Variants in PPIP5K2 observed in about 807,000 individuals in gnomAD.
PPIP5K2 encodes diphosphoinositol pentakisphosphate kinase 2.
PPIP5K2 carries 105 observed loss-of-function variants against 154.6 expected under a neutral mutation model. The observed-to-expected ratio is 0.68, with a 90% CI of 0.58 to 0.80. The LOEUF (loss-of-function observed/expected upper bound fraction) is 0.80. PPIP5K2 is among the 30% of genes least tolerant of loss of function. The probability of loss-of-function intolerance (pLI) is 0.00; values close to 1 mark genes in which losing one functional copy is unlikely to be tolerated. For missense variants in PPIP5K2, 992 were observed against 1,504.6 expected (o/e 0.66, Z 5.64); for synonymous variants, 480 against 490.3 (o/e 0.98, Z 0.28).
chr5:103,199,326 G>T (rs1554229561), intron 30 of PPIP5K2, among the ~76,000 whole-genome samples: 2 of 152,000 alleles, frequency 1.3e-5, no homozygotes, highest in African/African-American at 4.8e-5. Flanking sequence ...TAATCTGCAG[G>T]TCTGTTGGCA....
intron 3 of PPIP5K2, among the ~76,000 whole-genome samples, chr5:103,135,379 G>A (rs1488864175): frequency 2.0e-5 from 3 of 152,108 alleles, no homozygotes; most frequent in East Asian, 1.9e-4. Context: ...TAACTGTTAC[G>A]GTATACAACT....
At position 103,204,653 on chromosome 5, in the gene PPIP5K2, A is replaced by T. The variant is rs1369731399; in HGVS notation, c.*3019A>T. 1 of 152,118 alleles carries T rather than the reference A, an allele frequency of 6.6e-6. No individual in the cohort carries two copies. The highest frequency in any genetic ancestry group is 2.4e-5 in the African/African-American group (1 of 41,428). The allele number at this position is 152,118 out of a possible 1,614,324, so 9.4% of individuals were successfully genotyped here. A position where few individuals can be genotyped will look rare whatever the true frequency, so the allele number is the denominator to read the frequency against. ...ACTCCTTCAGAAGGAGTCATTTGTGATTGGAGTCCACATAGAAACAGGTTT... is the reference window on the plus strand; with the variant it reads ...ACTCCTTCAGAAGGAGTCATTTGTGTTTGGAGTCCACATAGAAACAGGTTT... On this transcript the variant is annotated 3_prime_UTR_variant, in exon 31 of 31. Coordinates refer to ENST00000358359, the MANE Select transcript of PPIP5K2 (RefSeq NM_001276277.3).
chr5:103,185,356 G>T (rs1800194648), intron 26 of PPIP5K2, among the ~76,000 whole-genome samples: 1 of 152,026 alleles, frequency 6.6e-6, no homozygotes, highest in South Asian at 2.1e-4. Flanking sequence ...ATTATTTTCT[G>T]TAAATAGTTG....
In PPIP5K2 at chr5:103,173,188, A is replaced by G. The variant is rs1798221252; in HGVS notation, c.2320A>G (p.Ile774Val). ...YGITKAEKLE[I>V]AKGYCTPLVR... is the part of the protein sequence containing the mutation. Reference sequence around the variant, plus strand: ...TATAACTAAAGCTGAAAAACTGGAGATTGCCAAAGGCTACTGTACTCCTCT... The same window carrying G: ...TATAACTAAAGCTGAAAAACTGGAGGTTGCCAAAGGCTACTGTACTCCTCT... The change falls in exon 20 of 31, where the codon ATT becomes GTT. Residue 774 changes from isoleucine (I) to valine (V), a missense_variant. Coordinates refer to ENST00000358359, the MANE Select transcript of PPIP5K2 (RefSeq NM_001276277.3). The G allele has an allele frequency of 1.2e-6, 2 of 1,608,810 alleles. No individual in the cohort carries two copies. Among genetic ancestry groups the G allele is most frequent in the Non-Finnish European group, 8.5e-7 (1 of 1,177,574 alleles).
intron 5 of PPIP5K2, among the ~76,000 whole-genome samples, chr5:103,139,747 A>G (rs1792232116): frequency 6.6e-6 from 1 of 152,242 alleles, no homozygotes; most frequent in South Asian, 2.1e-4. Context: ...AGAATTCAAA[A>G]TAGCTGTCCT....
chr5:103,159,872 C>T (rs782802060), intron 17 of PPIP5K2, among the ~76,000 whole-genome samples: 2 of 152,150 alleles, frequency 1.3e-5, no homozygotes, highest in Non-Finnish European at 2.9e-5. Context: ...AGCTCCTGAA[C>T]TTATTCCTTC....
chr5:103,170,238 A>C (rs868959478), intron 19 of PPIP5K2, among the ~76,000 whole-genome samples: 4 of 151,604 alleles, frequency 2.6e-5, no homozygotes, highest in Middle Eastern at 3.4e-3. Flanking sequence ...ATTCATAATA[A>C]ATTTTTTTAA....
At position 103,142,411 on chromosome 5, in the gene PPIP5K2, C is replaced by T. The variant is rs769275231; in HGVS notation, c.487+3942C>T. 7.2e-5 allele frequency among the ~76,000 whole-genome samples: 11 copies of T among 152,292 alleles called. No homozygotes were observed. The South Asian group carries it at 8.3e-4, about 11-fold the overall frequency. ...GCCCCGCAGCCCCAGTTCCCGCTCG[C>T]GCCTCTCCCTCCACATCTCCCTGCA... is the stretch of plus-strand genomic sequence containing the variant. On this transcript the variant is annotated intron_variant, in intron 5 of 30. Coordinates refer to ENST00000358359, the MANE Select transcript of PPIP5K2 (RefSeq NM_001276277.3).
intron 13 of PPIP5K2, 79 bp from the exon 14 acceptor site, chr5:103,155,830 A>T: frequency 1.1e-6 from 1 of 907,762 alleles, no homozygotes; most frequent in Non-Finnish European, 1.8e-6. Context: ...ACAGGCGGTT[A>T]CAAATAAAAG....
intron 3 of PPIP5K2, among the ~76,000 whole-genome samples, chr5:103,134,526 ATTTC>A (rs2149475809): frequency 6.6e-6 from 1 of 152,294 alleles, no homozygotes; most frequent in East Asian, 1.9e-4. Flanking sequence ...GATGTTCATT[ATTTC>A]ATAGAGAAGT....
rs190645272 is a variant in PPIP5K2, at chr5:103,153,827, A to G, written c.1131-21A>G. The G allele has an allele frequency of 4.1e-5, 62 of 1,518,300 alleles. 1 individual carries two copies. In the Admixed American group the frequency reaches 6.6e-4, roughly 16 times the overall value. The allele number at this position is 1,518,300 out of a possible 1,614,324, so 94.1% of individuals were successfully genotyped here. ...AAATCTTTTTTAGAGAATTAAGAAC[A>G]TATATATTTTTTCATTTTAGGATGG... is the stretch of plus-strand genomic sequence containing the variant. On this transcript the variant is annotated intron_variant, in intron 10 of 30. Transcript: ENST00000358359.
rs782712232 is a variant in PPIP5K2, at chr5:103,184,748, T to C, written c.3169+4T>C. On this transcript the variant is annotated splice_donor_region_variant and intron_variant, in intron 26 of 30. Transcript: ENST00000358359. ...CAGAAGCAGAATCCTACTGTAGGTATGTGGTGTAAAGGAAATTGTGTTCCA... is the reference window on the plus strand; with the variant it reads ...CAGAAGCAGAATCCTACTGTAGGTACGTGGTGTAAAGGAAATTGTGTTCCA... 1 of 1,608,494 alleles carries C rather than the reference T, an allele frequency of 6.2e-7. No homozygotes were observed.
intron 1 of PPIP5K2, among the ~76,000 whole-genome samples, chr5:103,121,256 CAGAT>C (rs1484146153): frequency 5.3e-4 from 81 of 152,246 alleles, no homozygotes; most frequent in Admixed American, 1.6e-3. Context: ...TTTTTTGTCT[CAGAT>C]AGATAAAATA....
intron 17 of PPIP5K2, among the ~76,000 whole-genome samples, chr5:103,160,463 C>T (rs782328703): frequency 1.3e-5 from 2 of 151,996 alleles, no homozygotes; most frequent in Non-Finnish European, 2.9e-5. Flanking sequence ...GAAATTCAAC[C>T]ATATTAAGTA....
At chr5:103,192,724 T>C (rs1325784428) in intron 29 of PPIP5K2, among the ~76,000 whole-genome samples, 2 of 152,154 alleles carry the variant, frequency 1.3e-5, no homozygotes, top group East Asian at 3.8e-4. Context: ...CAGAGTGTAT[T>C]ACTGAAGGAT....
At chr5:103,177,368 T>A (rs1304420697) in intron 21 of PPIP5K2, among the ~76,000 whole-genome samples, 14 of 152,052 alleles carry the variant, frequency 9.2e-5, no homozygotes, top group Non-Finnish European at 1.6e-4. Flanking sequence ...AATGAGTATT[T>A]CCTTCGAGTG....
At position 103,140,836 on chromosome 5, in the gene PPIP5K2, CAA is replaced by C. The variant is rs34150862; in HGVS notation, c.487+2387_487+2388del. Among the ~76,000 whole-genome samples the C allele has an allele frequency of 5.3e-3, 464 of 88,116 alleles. 2 individuals are homozygous for C. The highest frequency in any genetic ancestry group is 0.01 in the African/African-American group (273 of 26,278). 57.8% of individuals were successfully genotyped at this position (88,116 alleles called of 152,430 possible). A position where few individuals can be genotyped will look rare whatever the true frequency, so the allele number is the denominator to read the frequency against. ...TGGGCGACAGAACGAGACTCCGTCT[CAA>C]AAAAAAAAAAAAAAAAAAATTATCC... On this transcript the variant is annotated intron_variant, in intron 5 of 30. Coordinates refer to ENST00000358359, the MANE Select transcript of PPIP5K2 (RefSeq NM_001276277.3).
chr5:103,176,916 A>G, intron 21 of PPIP5K2: 1 of 1,448,808 alleles, frequency 6.9e-7, no homozygotes, highest in Non-Finnish European at 9.3e-7. Context: ...AGATGGTAAG[A>G]TCAATAGAAT....
chr5:103,172,945 G>T lies in PPIP5K2; in HGVS notation c.2287-210G>T, dbSNP rs58153219. Reference sequence around the variant, plus strand: ...CCGCCTTCAGAAATTACTGGCTTTTGTTCAGTTCCACCACAAAATCCTTCC... The same window carrying T: ...CCGCCTTCAGAAATTACTGGCTTTTTTTCAGTTCCACCACAAAATCCTTCC... On this transcript the variant is annotated intron_variant, in intron 19 of 30. Coordinates refer to ENST00000358359, the MANE Select transcript of PPIP5K2 (RefSeq NM_001276277.3). Among the ~76,000 whole-genome samples, 2,475 of 151,740 alleles carry T rather than the reference G, an allele frequency of 0.016. 59 individuals are homozygous for T. Among genetic ancestry groups the T allele is most frequent in the African/African-American group, 0.057 (2,370 of 41,454 alleles).
Sources: gnomAD v4.1 joint callset for allele counts (sites outside exome capture counted in the v4.1 genomes callset) on GRCh38, gnomAD v4.1.1 for gene constraint, MANE v1.5 for transcripts, NCBI Gene and HGNC (gene_info 2026-07-23, HGNC 2026-07-21) for gene names.